The following COLEC10 variants were observed in gnomAD, a reference collection of about 807,000 sequenced individuals.
COLEC10 encodes the protein collectin-10.
Under a neutral mutation model 28.4 loss-of-function variants are expected in COLEC10, and 22 were observed. The observed-to-expected ratio is 0.78, with a 90% CI of 0.55 to 1.11. The LOEUF (loss-of-function observed/expected upper bound fraction) is 1.11. Ranked by LOEUF, COLEC10 falls within the 50% of genes least tolerant of loss-of-function variation. The probability of loss-of-function intolerance (pLI) is 0.00; values close to 1 mark genes in which losing one functional copy is unlikely to be tolerated. For synonymous variants in COLEC10, 125 were observed against 116.1 expected (o/e 1.08, Z -0.49); for missense variants, 361 against 344.1 (o/e 1.05, Z -0.39).
chr8:119,005,266 C>G (rs1279310598), intron 1 of COLEC10, among the ~76,000 whole-genome samples: 1 of 152,114 alleles, frequency 6.6e-6, no homozygotes, highest in Admixed American at 6.6e-5. Context: ...CTCAACCTAA[C>G]TCTAACCCAT....
In COLEC10 at chr8:119,093,850, A is replaced by T. The variant is rs963670258; in HGVS notation, c.292+2630A>T. 2.0e-4 allele frequency among the ~76,000 whole-genome samples: 31 copies of T among 152,254 alleles called. No homozygotes were observed. In the East Asian group the frequency reaches 5.6e-3, roughly 27 times the overall value. ...ACTAATTTGTGCGTCCTTAAGTGATATTTCCCCATTGAAAATGCACAGGTT... is the reference window on the plus strand; with the variant it reads ...ACTAATTTGTGCGTCCTTAAGTGATTTTTCCCCATTGAAAATGCACAGGTT... On this transcript the variant is annotated intron_variant, in intron 3 of 5. Coordinates refer to ENST00000332843, the MANE Select transcript of COLEC10 (RefSeq NM_006438.5).
intron 1 of COLEC10, among the ~76,000 whole-genome samples, chr8:119,002,606 C>T (rs1813721988): frequency 6.6e-6 from 1 of 152,098 alleles, no homozygotes; most frequent in African/African-American, 2.4e-5. Context: ...GCCAAATTTT[C>T]TGAATGATGG....
chr8:119,027,140 T>C (rs1329069105), intron 2 of COLEC10, among the ~76,000 whole-genome samples: 1 of 152,158 alleles, frequency 6.6e-6, no homozygotes, highest in Non-Finnish European at 1.5e-5. Flanking sequence ...TTTGTTGTGA[T>C]TGCTTAAAAC....
the COLEC10 span, among the ~76,000 whole-genome samples, chr8:118,953,199 C>G: frequency 6.6e-6 from 1 of 152,188 alleles, no homozygotes; most frequent in Non-Finnish European, 1.5e-5. Context: ...CAGCTTTGTC[C>G]CTCAAGGGCC....
At position 119,072,704 on chromosome 8, in the gene COLEC10, C is replaced by G. The variant is rs939261736; in HGVS notation, c.148+5275C>G. 3.9e-5 allele frequency among the ~76,000 whole-genome samples: 6 copies of G among 152,150 alleles called. No individual in the cohort carries two copies. The East Asian group carries it at 7.7e-4, about 20-fold the overall frequency. Reference sequence around the variant, plus strand: ...ACTTCAGTCTCTTTACTTAAAGCCCCCTTGGTCCCTGTGGAACTCCAGAGC... The same window carrying G: ...ACTTCAGTCTCTTTACTTAAAGCCCGCTTGGTCCCTGTGGAACTCCAGAGC... On this transcript the variant is annotated intron_variant, in intron 1 of 5. Transcript: ENST00000332843.
chr8:119,089,581 C>A, intron 1 of COLEC10, 99 bp from the exon 2 acceptor site: 1 of 902,100 alleles, frequency 1.1e-6, no homozygotes, highest in Non-Finnish European at 1.8e-6. Flanking sequence ...AAGCGCTGAG[C>A]TGAGGGAAAG....
intron 2 of COLEC10, among the ~76,000 whole-genome samples, chr8:119,045,738 C>T (rs1814575145): frequency 6.6e-6 from 1 of 152,138 alleles, no homozygotes; most frequent in South Asian, 2.1e-4. Context: ...CCTTAAAATT[C>T]AAAACTTTTT....
chr8:119,099,185 C>T (rs1268492552), intron 3 of COLEC10, among the ~76,000 whole-genome samples: 1 of 152,000 alleles, frequency 6.6e-6, no homozygotes, highest in Non-Finnish European at 1.5e-5. Context: ...ACAGTTATTA[C>T]AGACATGTTC....
At chr8:119,090,541 C>G (rs574954435) in intron 2 of COLEC10, among the ~76,000 whole-genome samples, 1 of 152,050 alleles carries the variant, frequency 6.6e-6, no homozygotes, top group Non-Finnish European at 1.5e-5. Flanking sequence ...ATATGCATGT[C>G]GATTACAAGA....
At chr8:119,050,804 G>A (rs1814661167) in intron 2 of COLEC10, among the ~76,000 whole-genome samples, 1 of 152,126 alleles carries the variant, frequency 6.6e-6, no homozygotes, top group African/African-American at 2.4e-5. Context: ...GGCCTGAGGA[G>A]GCCAAGTTCA....
At chr8:119,101,778 A>C (rs1815832262) in intron 3 of COLEC10, among the ~76,000 whole-genome samples, 1 of 152,160 alleles carries the variant, frequency 6.6e-6, no homozygotes, top group African/African-American at 2.4e-5. Context: ...TAAGTTGAAA[A>C]AGCACAATAC....
At chr8:119,005,750 T>C (rs1181221321) in intron 1 of COLEC10, among the ~76,000 whole-genome samples, 1 of 152,146 alleles carries the variant, frequency 6.6e-6, no homozygotes, top group Non-Finnish European at 1.5e-5. Context: ...TAAAATTTTA[T>C]CACTTGTGGA....
intron 1 of COLEC10, among the ~76,000 whole-genome samples, chr8:119,008,323 C>T (rs1170543256): frequency 6.6e-6 from 1 of 150,758 alleles, no homozygotes; most frequent in Non-Finnish European, 1.5e-5. Context: ...CCCAGAATAC[C>T]ATTCCTCTCC....
intron 1 of COLEC10, among the ~76,000 whole-genome samples, chr8:119,000,720 G>C (rs1451832749): frequency 1.3e-5 from 2 of 152,212 alleles, no homozygotes; most frequent in African/African-American, 4.8e-5. Context: ...CTGGAATAAT[G>C]TGATATTTTA....
chr8:119,045,370 A>T (rs969336384), intron 2 of COLEC10, among the ~76,000 whole-genome samples: 1 of 152,224 alleles, frequency 6.6e-6, no homozygotes. Context: ...GGCATGACCA[A>T]TTGGCTGAAT....
chr8:118,956,112 C>T, the COLEC10 span, among the ~76,000 whole-genome samples: 1 of 152,096 alleles, frequency 6.6e-6, no homozygotes, highest in South Asian at 2.1e-4. Context: ...TACCTTGCAA[C>T]CTTACGTGGC....
chr8:118,966,397 C>T, the COLEC10 span, among the ~76,000 whole-genome samples: 1 of 151,910 alleles, frequency 6.6e-6, no homozygotes, highest in Non-Finnish European at 1.5e-5. Context: ...GTAACAACAA[C>T]GAAAAGAATA....
At chr8:118,987,104 A>G in the COLEC10 span, among the ~76,000 whole-genome samples, 4 of 152,048 alleles carry the variant, frequency 2.6e-5, no homozygotes, top group African/African-American at 9.7e-5. Context: ...CTCGTCTCTG[A>G]GAGACACTTG....
intron 2 of COLEC10, among the ~76,000 whole-genome samples, chr8:119,014,532 C>T (rs1813954955): frequency 6.6e-6 from 1 of 150,414 alleles, no homozygotes; most frequent in Non-Finnish European, 1.5e-5. Flanking sequence ...ATACAACATC[C>T]TAGATGTAGT....
Sources: allele counts gnomAD v4.1 joint callset (sites outside exome capture counted in the v4.1 genomes callset), GRCh38; gene constraint gnomAD v4.1.1; transcripts MANE v1.5; gene names NCBI Gene and HGNC (gene_info 2026-07-23, HGNC 2026-07-21).